Variants in CSNK1G1 observed in about 807,000 individuals in gnomAD.
CSNK1G1 encodes the protein casein kinase I isoform gamma-1.
CSNK1G1 carries 22 observed loss-of-function variants against 59.6 expected under a neutral mutation model. That is an observed-to-expected ratio of 0.37 (90% CI 0.26 to 0.53). The LOEUF (loss-of-function observed/expected upper bound fraction) is 0.53, where lower values mean the gene tolerates loss of function less well. CSNK1G1 is among the 20% of genes least tolerant of loss of function. The pLI, the probability that CSNK1G1 is intolerant of heterozygous loss-of-function variation, is 0.89. For synonymous variants in CSNK1G1, 179 were observed against 177.1 expected (o/e 1.01, Z -0.08); for missense variants, 384 against 519.5 (o/e 0.74, Z 2.54).
At chr15:64,346,939 C>T (rs1898011391) in intron 1 of CSNK1G1, among the ~76,000 whole-genome samples, 1 of 152,122 alleles carries the variant, frequency 6.6e-6, no homozygotes, top group African/African-American at 2.4e-5. Flanking sequence ...ATCCAAAATA[C>T]ACAATGACCA....
chr15:64,211,950 T>C (rs1420156395), intron 6 of CSNK1G1, among the ~76,000 whole-genome samples: 1 of 152,250 alleles, frequency 6.6e-6, no homozygotes, highest in Non-Finnish European at 1.5e-5. Context: ...TTAAACCACA[T>C]AATCTTAAGT....
rs181481886 is a variant in CSNK1G1 at position 64,272,875 on chromosome 15, G to C, written c.182-13634C>G. On this transcript the variant is annotated intron_variant, in intron 2 of 11. Transcript: ENST00000303052. ...ATCTTGGAATGCACCACCACATCCA[G>C]CTAATTTTTGTAGAGACAGGGTTTT... 5.6e-3 allele frequency among the ~76,000 whole-genome samples: 852 copies of C among 152,030 alleles called. 4 individuals carry two copies. The highest frequency in any genetic ancestry group is 0.01 in the Non-Finnish European group (691 of 67,964).
intron 6 of CSNK1G1, among the ~76,000 whole-genome samples, chr15:64,209,100 T>C (rs1345932483): frequency 6.6e-6 from 1 of 152,160 alleles, no homozygotes; most frequent in African/African-American, 2.4e-5. Context: ...TTTCCCAGGC[T>C]GGTCTTGAAC....
intron 10 of CSNK1G1, among the ~76,000 whole-genome samples, chr15:64,182,685 T>G (rs916311831): frequency 6.6e-6 from 1 of 152,226 alleles, no homozygotes; most frequent in African/African-American, 2.4e-5. Flanking sequence ...CAACTTACTT[T>G]CATATGGTTT....
chr15:64,202,040 CTTG>C (rs1162310936), intron 10 of CSNK1G1, among the ~76,000 whole-genome samples: 1 of 152,004 alleles, frequency 6.6e-6, no homozygotes, highest in African/African-American at 2.4e-5. Flanking sequence ...AAATGTCAAA[CTTG>C]TTGATTTTTT....
At chr15:64,297,794 G>A (rs763947178) in intron 2 of CSNK1G1, among the ~76,000 whole-genome samples, 20 of 152,150 alleles carry the variant, frequency 1.3e-4, no homozygotes, top group Non-Finnish European at 1.8e-4. Context: ...AGCTTTGTAG[G>A]TGGTAGCCAT....
chr15:64,204,559 C>T lies in CSNK1G1; in HGVS notation c.881G>A (p.Arg294Lys). 6.2e-7 allele frequency: 1 copy of T among 1,613,982 alleles called. No individual in the cohort carries two copies. The highest frequency in any genetic ancestry group is 1.3e-5 in the African/African-American group (1 of 75,004). ...EEMATYLRYV[R>K]RLDFFEKPDY... is the part of the protein sequence containing the mutation. ...AGGTTTTTCAAAGAAGTCCAGTCGC[C>T]TGACATATCGAAGGTAGGTTGCCAT... Residue 294 changes from arginine (R) to lysine (K), a missense_variant, in exon 9 of 12, where the codon AGG becomes AAG. Physicochemically the swap from Arg to Lys is conservative, Grantham distance 26 (BLOSUM62 2). Transcript: ENST00000303052.
intron 4 of CSNK1G1, among the ~76,000 whole-genome samples, chr15:64,219,537 C>T (rs1398650380): frequency 6.6e-6 from 1 of 152,074 alleles, no homozygotes; most frequent in Admixed American, 6.6e-5. Flanking sequence ...TGGCTCACTG[C>T]AGCCTCGACC....
chr15:64,204,706 T>C, intron 8 of CSNK1G1, 117 bp from the exon 9 acceptor site: 1 of 1,257,658 alleles, frequency 8.0e-7, no homozygotes, highest in South Asian at 1.3e-5. Flanking sequence ...ACTGATGTTT[T>C]CTTTACTGAC....
At chr15:64,173,386 C>T (rs1318345712) in intron 11 of CSNK1G1, among the ~76,000 whole-genome samples, 1 of 152,112 alleles carries the variant, frequency 6.6e-6, no homozygotes, top group African/African-American at 2.4e-5. Flanking sequence ...ATAGGACTTT[C>T]TTAAGAGGGT....
intron 2 of CSNK1G1, among the ~76,000 whole-genome samples, chr15:64,272,254 C>T (rs1328025760): frequency 2.0e-5 from 3 of 151,476 alleles, no homozygotes; most frequent in African/African-American, 4.9e-5. Flanking sequence ...CTTGCTCTGT[C>T]GCCCAGGCTG....
At chr15:64,296,584 G>T (rs1895033015) in intron 2 of CSNK1G1, among the ~76,000 whole-genome samples, 1 of 152,118 alleles carries the variant, frequency 6.6e-6, no homozygotes, top group African/African-American at 2.4e-5. Context: ...TATGATGAAG[G>T]CTGGGTGCAG....
chr15:64,187,205 G>A (rs144627180), intron 10 of CSNK1G1, among the ~76,000 whole-genome samples: 4 of 148,418 alleles, frequency 2.7e-5, no homozygotes, highest in Non-Finnish European at 6.0e-5. Flanking sequence ...GTTTTTTTTG[G>A]GGGGGATGGA....
At position 64,260,784 on chromosome 15, in the gene CSNK1G1, C is replaced by T. The variant is rs185295846; in HGVS notation, c.182-1543G>A. On this transcript the variant is annotated intron_variant, in intron 2 of 11. Transcript: ENST00000303052. The stretch of plus-strand genomic sequence containing the variant: ...AAAAGCTGCTTACAATACAAATTCT[C>T]ATTTACAAACCTCTAGACAACAGAA... 7.2e-5 allele frequency among the ~76,000 whole-genome samples: 11 copies of T among 152,126 alleles called. No individual in the cohort carries two copies. The East Asian group carries it at 2.1e-3, about 29-fold the overall frequency.
chr15:64,263,493 T>C (rs1303588426), intron 2 of CSNK1G1, among the ~76,000 whole-genome samples: 1 of 152,204 alleles, frequency 6.6e-6, no homozygotes, highest in African/African-American at 2.4e-5. Flanking sequence ...AGGCTCAGTG[T>C]GCAACCTTTT....
At chr15:64,347,741 C>T (rs1898056915) in intron 1 of CSNK1G1, among the ~76,000 whole-genome samples, 1 of 152,114 alleles carries the variant, frequency 6.6e-6, no homozygotes, top group Non-Finnish European at 1.5e-5. Flanking sequence ...GGCACAGTGG[C>T]TCCTACCTGT....
intron 2 of CSNK1G1, among the ~76,000 whole-genome samples, chr15:64,299,600 A>G (rs1310863004): frequency 6.6e-6 from 1 of 151,156 alleles, no homozygotes; most frequent in Non-Finnish European, 1.5e-5. Flanking sequence ...TCAAAAAAAA[A>G]AAAATTTTAT....
chr15:64,241,741 A>G (rs1238094737), intron 4 of CSNK1G1, among the ~76,000 whole-genome samples: 4 of 152,130 alleles, frequency 2.6e-5, no homozygotes, highest in African/African-American at 7.2e-5. Flanking sequence ...GGTGTACAGC[A>G]ATAAACACAT....
intron 10 of CSNK1G1, among the ~76,000 whole-genome samples, chr15:64,193,331 A>T (rs2081996476): frequency 6.6e-6 from 1 of 151,900 alleles, no homozygotes; most frequent in Non-Finnish European, 1.5e-5. Context: ...CTCTACTAAA[A>T]ATACAAAAAA....
Sources: allele counts gnomAD v4.1 joint callset (sites outside exome capture counted in the v4.1 genomes callset), GRCh38; gene constraint gnomAD v4.1.1; transcripts MANE v1.5; gene names NCBI Gene and HGNC (gene_info 2026-07-23, HGNC 2026-07-21).